Variants in ARIH1 observed in about 807,000 individuals in gnomAD.
ARIH1 encodes the protein ariadne RBR E3 ubiquitin protein ligase 1.
Under a neutral mutation model 85.0 loss-of-function variants are expected in ARIH1, and 8 were observed. The observed-to-expected ratio is 0.09, with a 90% confidence interval of 0.06 to 0.17. ARIH1 has a LOEUF of 0.17. ARIH1 is among the 10% of genes least tolerant of loss of function. The pLI is 1.00. For synonymous variants in ARIH1, 238 were observed against 253.6 expected (o/e 0.94, Z 0.59); for missense variants, 311 against 718.1 (o/e 0.43, Z 6.48).
chr15:72,488,289 C>T (rs1352701951), intron 1 of ARIH1, among the ~76,000 whole-genome samples: 3 of 152,012 alleles, frequency 2.0e-5, no homozygotes, highest in Admixed American at 1.3e-4. Context: ...GTTGCCTAGA[C>T]TGGTCTCGAC....
intron 1 of ARIH1, among the ~76,000 whole-genome samples, chr15:72,483,768 T>C (rs1010002346): frequency 9.9e-5 from 15 of 151,168 alleles, no homozygotes; most frequent in African/African-American, 3.6e-4. Flanking sequence ...AGTCTCAGAA[T>C]TGGTAGGAAT....
chr15:72,482,152 C>T (rs753043936), intron 1 of ARIH1, among the ~76,000 whole-genome samples: 11 of 152,228 alleles, frequency 7.2e-5, no homozygotes, highest in Non-Finnish European at 1.3e-4. Flanking sequence ...TTCAAATAGA[C>T]AAACTAAACT....
At chr15:72,541,920 G>A (rs1281079988) in intron 2 of ARIH1, among the ~76,000 whole-genome samples, 1 of 152,212 alleles carries the variant, frequency 6.6e-6, no homozygotes, top group African/African-American at 2.4e-5. Flanking sequence ...GAGTAACAAT[G>A]GGATGTAATT....
intron 10 of ARIH1, 87 bp downstream of exon 10, chr15:72,570,394 C>A: frequency 6.6e-7 from 1 of 1,510,218 alleles, no homozygotes; most frequent in Non-Finnish European, 9.0e-7. Flanking sequence ...TAGATATCAC[C>A]ATCTAACTTG....
chr15:72,526,009 G>A lies in ARIH1; in HGVS notation c.443+7875G>A, dbSNP rs1346142070. On this transcript the variant is annotated intron_variant, in intron 2 of 13. Coordinates refer to ENST00000379887, the MANE Select transcript of ARIH1 (RefSeq NM_005744.5). ...ATCCTGTAGGTATTTAGTATCCTAG[G>A]AATTGTTAAGAAAAGGTAAGCAATA... 3.3e-5 allele frequency among the ~76,000 whole-genome samples: 5 copies of A among 152,126 alleles called. 1 individual carries two copies. The highest frequency in any genetic ancestry group is 7.4e-5 in the Non-Finnish European group (5 of 67,994).
rs1314172843 is a variant in ARIH1 at position 72,591,322 on chromosome 15, T to TTTCTA, written c.*8032_*8036dup. 1 of 152,022 alleles carries TTTCTA rather than the reference T, an allele frequency of 6.6e-6. No homozygotes were observed. The highest frequency in any genetic ancestry group is 1.5e-5 in the Non-Finnish European group (1 of 68,014). 9.4% of individuals were successfully genotyped at this position (152,022 alleles called of 1,614,324 possible). A position where few individuals can be genotyped will look rare whatever the true frequency, so the allele number is the denominator to read the frequency against. On this transcript the variant is annotated 3_prime_UTR_variant, in exon 14 of 14. Coordinates refer to ENST00000379887, the MANE Select transcript of ARIH1 (RefSeq NM_005744.5). Reference sequence around the variant, plus strand: ...CAGAAAGCTTTTTAGGCTGAAAACGTTTCTATAGATTTTGGATTTCCTTCT... The same window carrying TTTCTA: ...CAGAAAGCTTTTTAGGCTGAAAACGTTTCTATTCTATAGATTTTGGATTTCCTTCT...
At chr15:72,507,743 AG>A (rs971900934) in intron 1 of ARIH1, among the ~76,000 whole-genome samples, 3 of 152,236 alleles carry the variant, frequency 2.0e-5, no homozygotes, top group African/African-American at 7.2e-5. Flanking sequence ...ACTTGATCAA[AG>A]GATAGGGGAT....
At chr15:72,490,368 C>A (rs1489801834) in intron 1 of ARIH1, among the ~76,000 whole-genome samples, 1 of 152,138 alleles carries the variant, frequency 6.6e-6, no homozygotes, top group African/African-American at 2.4e-5. Context: ...AGGCGAGCAG[C>A]CAGGGAGCGT....
At chr15:72,559,792 T>C (rs1212649643) in intron 5 of ARIH1, among the ~76,000 whole-genome samples, 2 of 152,224 alleles carry the variant, frequency 1.3e-5, no homozygotes, top group African/African-American at 4.8e-5. Flanking sequence ...TCATGTAATA[T>C]GTTGCCTTTT....
chr15:72,547,870 G>A (rs1360477595), intron 3 of ARIH1, among the ~76,000 whole-genome samples: 1 of 152,146 alleles, frequency 6.6e-6, no homozygotes, highest in Admixed American at 6.5e-5. Context: ...TTTGAGTACT[G>A]AAGCTTGGCT....
At chr15:72,554,343 G>A (rs747975216) in intron 3 of ARIH1, among the ~76,000 whole-genome samples, 1 of 152,030 alleles carries the variant, frequency 6.6e-6, no homozygotes, top group African/African-American at 2.4e-5. Flanking sequence ...AACAGTGTAC[G>A]AAGGCTCCAA....
In ARIH1 at chr15:72,474,853, A is replaced by G; in HGVS notation, c.214A>G (p.Ser72Gly). 2 of 1,374,622 alleles carry G rather than the reference A, an allele frequency of 1.5e-6. No individual in the cohort carries two copies. Among genetic ancestry groups the G allele is most frequent in the Non-Finnish European group, 1.9e-6 (2 of 1,064,826 alleles). The allele number at this position is 1,374,622 out of a possible 1,614,324, so 85.2% of individuals were successfully genotyped here. A position where few individuals can be genotyped will look rare whatever the true frequency, so the allele number is the denominator to read the frequency against. Residue 72 changes from serine to glycine, a missense_variant, in exon 1 of 14, where the codon AGC (serine) becomes GGC (glycine). This residue lies in a region of ARIH1 where 157 missense variants were observed against 185.1 expected (regional missense o/e 0.85). Transcript: ENST00000379887. ...CGGGGAGACGGGCGGTGGCGGCGGC[A>G]GCGCTCTGGGGCCCGGCGGTGGCGG... ...LCGETGGGGG[S>G]ALGPGGGGGG... is the part of the protein sequence containing the mutation.
At chr15:72,574,995 A>G (rs2140437712) in intron 11 of ARIH1, among the ~76,000 whole-genome samples, 1 of 149,702 alleles carries the variant, frequency 6.7e-6, no homozygotes, top group South Asian at 2.1e-4. Flanking sequence ...GCTATTTGGG[A>G]GCTGAGGTGG....
rs1183798947 is a variant in ARIH1 at position 72,591,510 on chromosome 15, A to T, written c.*8218A>T. The stretch of plus-strand genomic sequence containing the variant: ...TGGGATTCCTGAGGACTGAGCAAAC[A>T]CACACAGAGCAGGATTTTGTCCTAA... On this transcript the variant is annotated 3_prime_UTR_variant, in exon 14 of 14. Coordinates refer to ENST00000379887, the MANE Select transcript of ARIH1 (RefSeq NM_005744.5). 6.6e-6 allele frequency: 1 copy of T among 152,180 alleles called. No individual in the cohort carries two copies. The highest frequency in any genetic ancestry group is 2.4e-5 in the African/African-American group (1 of 41,440). 9.4% of individuals were successfully genotyped at this position (152,180 alleles called of 1,614,324 possible).
intron 2 of ARIH1, among the ~76,000 whole-genome samples, chr15:72,521,644 G>A (rs2064000697): frequency 6.6e-6 from 1 of 152,064 alleles, no homozygotes; most frequent in South Asian, 2.1e-4. Context: ...CGCCTTGTGA[G>A]TTCAAGGGAT....
In ARIH1 at chr15:72,474,622, G is replaced by GC; in HGVS notation, c.-13dup. 6.6e-7 allele frequency: 1 copy of GC among 1,507,110 alleles called. No homozygotes were observed. The highest frequency in any genetic ancestry group is 8.9e-7 in the Non-Finnish European group (1 of 1,129,268). 93.4% of individuals were successfully genotyped at this position (1,507,110 alleles called of 1,614,324 possible). A position where few individuals can be genotyped will look rare whatever the true frequency, so the allele number is the denominator to read the frequency against. ...CCCCGCCTCGGCCAGCGTCCGCCGG[G>GC]CCCCCGCGCGTCGCGCCATGGACTC... On this transcript the variant is annotated 5_prime_UTR_variant, in exon 1 of 14. Transcript: ENST00000379887.
intron 1 of ARIH1, among the ~76,000 whole-genome samples, chr15:72,516,195 T>C (rs1480116777): frequency 2.0e-5 from 3 of 152,198 alleles, no homozygotes; most frequent in Non-Finnish European, 4.4e-5. Context: ...TAACAATTCC[T>C]GAAATAGTTT....
chr15:72,484,647 G>A (rs1194889255), intron 1 of ARIH1, among the ~76,000 whole-genome samples: 4 of 146,510 alleles, frequency 2.7e-5, no homozygotes, highest in Admixed American at 6.7e-5. Context: ...ATATATATAT[G>A]TGTATATATA....
At chr15:72,576,721 C>T (rs760806851) in intron 11 of ARIH1, among the ~76,000 whole-genome samples, 1 of 151,734 alleles carries the variant, frequency 6.6e-6, no homozygotes, top group Non-Finnish European at 1.5e-5. Context: ...TACATTGTTG[C>T]TTTGATAACA....
Sources: allele counts gnomAD v4.1 joint callset (sites outside exome capture counted in the v4.1 genomes callset), GRCh38; gene constraint gnomAD v4.1.1; regional missense constraint gnomAD v4.1.1; transcripts MANE v1.5; gene names NCBI Gene and HGNC (gene_info 2026-07-23, HGNC 2026-07-21).